HTRA3: variants seen among roughly 807,000 people sequenced by gnomAD.
HTRA3 encodes the protein serine protease HTRA3.
In HTRA3, 41 loss-of-function variants were observed where a neutral mutation model predicts 43.2. The observed-to-expected ratio is 0.95, with a 90% CI of 0.74 to 1.23. The LOEUF (loss-of-function observed/expected upper bound fraction) is 1.23, where lower values mean the gene tolerates loss of function less well. Ranked by LOEUF, HTRA3 falls within the 50% of genes most tolerant of loss-of-function variation. HTRA3 has a pLI of 0.00. For synonymous variants in HTRA3, 295 were observed against 287.9 expected, an observed-to-expected ratio of 1.02 and a Z score of -0.25; for missense variants, 628 against 647.1, an observed-to-expected ratio of 0.97 and a Z score of 0.32.
rs1712970375 is a variant in HTRA3, at chr4:8,286,484, C to T, written c.486-77C>T. ...ACACACTGGCTCTGCTCCTCGCTGA[C>T]CAGCCCCACCACTGCGCCTGACTCC... On this transcript the variant is annotated intron_variant, in intron 2 of 8. Coordinates refer to ENST00000307358, the MANE Select transcript of HTRA3 (RefSeq NM_053044.5). This position sits in a 1 kb window ranked among gnomAD's most constrained non-coding sequence, Gnocchi z 4.9. The T allele has an allele frequency of 1.7e-6, 2 of 1,178,860 alleles. No homozygotes were observed. Among genetic ancestry groups the T allele is most frequent in the South Asian group, 2.6e-5 (2 of 75,626 alleles). 73.0% of individuals were successfully genotyped at this position (1,178,860 alleles called of 1,614,324 possible). A position where few individuals can be genotyped will look rare whatever the true frequency, so the allele number is the denominator to read the frequency against.
chr4:8,272,246 G>C (rs1166226742), intron 1 of HTRA3, among the ~76,000 whole-genome samples: 1 of 152,192 alleles, frequency 6.6e-6, no homozygotes, highest in Non-Finnish European at 1.5e-5. Flanking sequence ...TGCCTGGCTG[G>C]CCCCAGGCTG....
intron 6 of HTRA3, among the ~76,000 whole-genome samples, chr4:8,299,839 T>TC (rs1161109726): frequency 8.5e-6 from 1 of 118,342 alleles, no homozygotes; most frequent in Non-Finnish European, 1.8e-5. Context: ...TGATGTATTA[T>TC]CCTTTTTTTT....
intron 1 of HTRA3, among the ~76,000 whole-genome samples, chr4:8,273,217 C>A (rs1712367467): frequency 6.6e-6 from 1 of 152,196 alleles, no homozygotes; most frequent in Non-Finnish European, 1.5e-5. Context: ...TGGCAGGGCC[C>A]CTGAGGCTGG....
chr4:8,304,187 G>C lies in HTRA3; in HGVS notation c.1104G>C (p.Leu368=). Residue 368 remains leucine (L), a synonymous_variant, in exon 8 of 9, where the codon CTG becomes CTC. Transcript: ENST00000307358. ...CTTGACGGCAGACTCTTTCCAGCCT[G>C]GTGGATGAGCTGAAGGCCAGCAACC... ...GIRMRTITPS[L]VDELKASNPD... is the part of the protein sequence containing the mutation. 1 of 1,613,840 alleles carries C rather than the reference G, an allele frequency of 6.2e-7. No homozygotes were observed. Among genetic ancestry groups the C allele is most frequent in the South Asian group, 1.1e-5 (1 of 91,064 alleles).
intron 5 of HTRA3, among the ~76,000 whole-genome samples, chr4:8,293,571 A>T (rs1407790826): frequency 6.6e-6 from 1 of 152,024 alleles, no homozygotes; most frequent in Non-Finnish European, 1.5e-5. Context: ...CCCAGGGGCC[A>T]GGTCAGATCC....
At chr4:8,289,124 A>T (rs1713123570) in intron 3 of HTRA3, among the ~76,000 whole-genome samples, 1 of 149,446 alleles carries the variant, frequency 6.7e-6, no homozygotes, top group South Asian at 2.1e-4. Context: ...TAATTTTTAA[A>T]TTTTTGGTAG....
intron 5 of HTRA3, among the ~76,000 whole-genome samples, chr4:8,293,546 C>T (rs761309654): frequency 1.3e-5 from 2 of 152,096 alleles, no homozygotes; most frequent in Non-Finnish European, 2.9e-5. Context: ...CAGGAGTGTG[C>T]CTGAGTGTGA....
At chr4:8,280,584 C>T (rs1309912766) in intron 1 of HTRA3, among the ~76,000 whole-genome samples, 1 of 152,194 alleles carries the variant, frequency 6.6e-6, no homozygotes, top group Non-Finnish European at 1.5e-5. Flanking sequence ...AGGTGTCGAG[C>T]AGGGCAGCGC....
chr4:8,284,172 G>A (rs1712867216), intron 2 of HTRA3, among the ~76,000 whole-genome samples: 1 of 152,186 alleles, frequency 6.6e-6, no homozygotes, highest in Admixed American at 6.5e-5. Context: ...ACCCTGTCCG[G>A]TGCCCCGTGC....
In HTRA3 at chr4:8,295,643, A is replaced by G; in HGVS notation, c.1051+1442A>G. On this transcript the variant is annotated intron_variant, in intron 6 of 8. Transcript: ENST00000307358. The surrounding 1 kb of genome is among the most constrained non-coding windows in gnomAD (Gnocchi z 6.9). ...TGTGCCCACCTCCTGGCCAACGCCCAGGCCTGACTCAGCAACTCACACTTC... is the reference window on the plus strand; with the variant it reads ...TGTGCCCACCTCCTGGCCAACGCCCGGGCCTGACTCAGCAACTCACACTTC... The G allele has an allele frequency of 7.4e-7, 1 of 1,343,686 alleles. No homozygotes were observed. The highest frequency in any genetic ancestry group is 9.6e-7 in the Non-Finnish European group (1 of 1,039,772). The allele number at this position is 1,343,686 out of a possible 1,614,324, so 83.2% of individuals were successfully genotyped here.
chr4:8,298,476 G>C (rs1374227167), intron 6 of HTRA3, among the ~76,000 whole-genome samples: 2 of 151,368 alleles, frequency 1.3e-5, no homozygotes, highest in African/African-American at 4.9e-5. Context: ...TCTCTGAATA[G>C]TGTTTTTAAA....
chr4:8,289,723 C>T (rs539375783), intron 3 of HTRA3, among the ~76,000 whole-genome samples: 1 of 152,328 alleles, frequency 6.6e-6, no homozygotes, highest in Non-Finnish European at 1.5e-5. Flanking sequence ...GGCTCCTGAC[C>T]CTCACCTGTG....
At position 8,295,323 on chromosome 4, in the gene HTRA3, C is replaced by A. The variant is rs1713416938; in HGVS notation, c.1051+1122C>A. 1.3e-5 allele frequency among the ~76,000 whole-genome samples: 2 copies of A among 152,108 alleles called. No homozygotes were observed. The highest frequency in any genetic ancestry group is 2.9e-5 in the Non-Finnish European group (2 of 68,020). On this transcript the variant is annotated intron_variant, in intron 6 of 8. Transcript: ENST00000307358. This position sits in a 1 kb window ranked among gnomAD's most constrained non-coding sequence, Gnocchi z 6.9. Reference sequence around the variant, plus strand: ...TCCAATACCTCGTCTTTGGAAGTCACCCTCCTCCAAGCCCCCATTTCCTTG... The same window carrying A: ...TCCAATACCTCGTCTTTGGAAGTCAACCTCCTCCAAGCCCCCATTTCCTTG...
chr4:8,278,754 C>T (rs1283809973), intron 1 of HTRA3, among the ~76,000 whole-genome samples: 7 of 152,186 alleles, frequency 4.6e-5, no homozygotes, highest in Non-Finnish European at 1.0e-4. Context: ...CAGACCTGGG[C>T]CAGCGCCAGG....
chr4:8,299,701 G>T (rs1311808080), intron 6 of HTRA3, among the ~76,000 whole-genome samples: 1 of 152,110 alleles, frequency 6.6e-6, no homozygotes, highest in East Asian at 1.9e-4. Context: ...GAGGCTTTTT[G>T]TGCATCTCTG....
At chr4:8,298,779 A>G (rs1713541675) in intron 6 of HTRA3, among the ~76,000 whole-genome samples, 1 of 152,236 alleles carries the variant, frequency 6.6e-6, no homozygotes, top group Non-Finnish European at 1.5e-5. Context: ...TCTCTACTGA[A>G]GTGCCTTCGC....
At chr4:8,278,865 G>T (rs960094012) in intron 1 of HTRA3, among the ~76,000 whole-genome samples, 2 of 152,196 alleles carry the variant, frequency 1.3e-5, no homozygotes, top group African/African-American at 4.8e-5. Context: ...TTGGAGACTT[G>T]GTTAATCAGC....
rs977993029 is a variant in HTRA3 at position 8,286,620 on chromosome 4, A to G, written c.545A>G (p.Glu182Gly). The change falls in exon 3 of 9, where the codon GAG (glutamate) becomes GGG (glycine). Residue 182 changes from glutamate (E) to glycine (G), a missense_variant. Glu to Gly is a moderately conservative substitution (Grantham distance 98, BLOSUM62 -2). Transcript: ENST00000307358. This position sits in a 1 kb window ranked among gnomAD's most constrained non-coding sequence, Gnocchi z 4.9. Reference sequence around the variant, plus strand: ...AGCGGTTCTGGCTTCATCATGTCAGAGGCCGGCCTGATCATCACCAATGCC... The same window carrying G: ...AGCGGTTCTGGCTTCATCATGTCAGGGGCCGGCCTGATCATCACCAATGCC... ...LSSGSGFIMS[E>G]AGLIITNAHV... 5.6e-6 allele frequency: 9 copies of G among 1,614,056 alleles called. No homozygotes were observed. In the African/African-American group the frequency reaches 1.1e-4, roughly 19 times the overall value.
intron 1 of HTRA3, among the ~76,000 whole-genome samples, chr4:8,280,694 G>T (rs754560948): frequency 2.0e-5 from 3 of 152,026 alleles, no homozygotes; most frequent in Non-Finnish European, 2.9e-5. Context: ...CTGAGACCCC[G>T]CTCTGCCGCA....
Sources: gnomAD v4.1 joint callset for allele counts (sites outside exome capture counted in the v4.1 genomes callset) on GRCh38, gnomAD v4.1.1 for gene constraint, Gnocchi (gnomAD v3.1) non-coding constraint, MANE v1.5 for transcripts, NCBI Gene and HGNC (gene_info 2026-07-23, HGNC 2026-07-21) for gene names.